RAPGEFL1: variants seen among roughly 807,000 people sequenced by gnomAD.
RAPGEFL1 encodes rap guanine nucleotide exchange factor-like 1.
In RAPGEFL1, 31 loss-of-function variants were observed where a neutral mutation model predicts 64.4. The ratio of observed to expected loss-of-function variants is 0.48; its 90% CI spans 0.36 to 0.65. The LOEUF is 0.65. Ranked by LOEUF, RAPGEFL1 falls within the 30% of genes least tolerant of loss-of-function variation. The pLI, the probability that RAPGEFL1 is intolerant of heterozygous loss-of-function variation, is 0.00. For synonymous variants in RAPGEFL1, 331 were observed against 274.1 expected (o/e 1.21, Z -2.05); for missense variants, 682 against 677.4 (o/e 1.01, Z -0.08).
At chr17:40,192,373 A>G in intron 11 of RAPGEFL1, 110 bp downstream of exon 11, 2 of 1,230,244 alleles carry the variant, frequency 1.6e-6, no homozygotes, top group Non-Finnish European at 2.4e-6. Context: ...AGTGTATGGG[A>G]CCCCCCACCC....
At chr17:40,179,570 A>AATGATGATACT (rs1989832881) in intron 1 of RAPGEFL1, among the ~76,000 whole-genome samples, 1 of 151,942 alleles carries the variant, frequency 6.6e-6, no homozygotes, top group South Asian at 2.1e-4. Context: ...TTATTCCCTA[A>AATGATGATACT]ATGATGATAC....
chr17:40,185,459 C>G (rs1037280666), intron 4 of RAPGEFL1, among the ~76,000 whole-genome samples: 4 of 145,672 alleles, frequency 2.7e-5, no homozygotes, highest in African/African-American at 1.0e-4. Context: ...ATGGGTGGAG[C>G]ACTTAAGGTC....
intron 4 of RAPGEFL1, among the ~76,000 whole-genome samples, chr17:40,185,157 C>G (rs909791071): frequency 2.0e-5 from 3 of 152,132 alleles, no homozygotes; most frequent in Admixed American, 1.3e-4. Context: ...TTTGTCCATT[C>G]TCCCATTCAT....
chr17:40,179,002 G>A (rs1010830712), intron 1 of RAPGEFL1, among the ~76,000 whole-genome samples: 2 of 152,140 alleles, frequency 1.3e-5, no homozygotes, highest in Admixed American at 1.3e-4. Flanking sequence ...TCATGGCCCT[G>A]CAGCATCCAG....
At position 40,189,334 on chromosome 17, in the gene RAPGEFL1, G is replaced by C. The variant is rs145549366; in HGVS notation, c.1073G>C (p.Arg358Pro). Residue 358 changes from arginine (R) to proline (P), a missense_variant, in exon 6 of 15, where the codon CGT becomes CCT. Arg to Pro is a moderately radical substitution (Grantham distance 103, BLOSUM62 -2). Transcript: ENST00000620260. ...CAATATTCAGAGGAGCCCGCGGGGC[G>C]TGAGGATTCCCTCATCCTGGTAGCT... ...KLQYSEEPAG[R>P]EDSLILVAVS... The C allele has an allele frequency of 1.2e-6, 2 of 1,614,190 alleles. No homozygotes were observed. The highest frequency in any genetic ancestry group is 2.2e-5 in the East Asian group (1 of 44,892).
intron 4 of RAPGEFL1, among the ~76,000 whole-genome samples, chr17:40,187,408 C>T (rs1345179477): frequency 6.6e-6 from 1 of 152,146 alleles, no homozygotes; most frequent in Non-Finnish European, 1.5e-5. Flanking sequence ...CTTTCATGCT[C>T]CTGTTCCAAA....
Position 40,191,941 on chromosome 17 carries a change from TG to T in RAPGEFL1, c.1605+270del, listed in dbSNP as rs1195005403. The stretch of plus-strand genomic sequence containing the variant: ...GCAGACTTGGCTGTGGGAGTTGGGC[TG>T]ATTTTCATCCACACTCAGTGGGGGC... On this transcript the variant is annotated intron_variant, in intron 10 of 14. Coordinates refer to ENST00000620260, the MANE Select transcript of RAPGEFL1 (RefSeq NM_016339.6). This position sits in a 1 kb window ranked among gnomAD's most constrained non-coding sequence, Gnocchi z 5.1. Among the ~76,000 whole-genome samples the T allele has an allele frequency of 3.9e-5, 6 of 152,226 alleles. No individual in the cohort carries two copies. Among genetic ancestry groups the T allele is most frequent in the Non-Finnish European group, 5.9e-5 (4 of 68,040 alleles).
Position 40,178,258 on chromosome 17 carries a change from C to G in RAPGEFL1, c.397C>G (p.Pro133Ala), listed in dbSNP as rs1460609414. ...CTCCTACTCATCTGACGAGCTGTCC[C>G]CAGGCGAGCCCTTGACTTCGCCGCC... ...PSSYSSDELS[P>A]GEPLTSPPWA... The change falls in exon 1 of 15, where the codon CCA (proline) becomes GCA (alanine). Residue 133 changes from proline to alanine, a missense_variant. Physicochemically the swap from Pro to Ala is conservative, Grantham distance 27. This residue lies in a region of RAPGEFL1 where 271 missense variants were observed against 158.0 expected (regional missense o/e 1.72). Transcript: ENST00000620260. 3.1e-6 allele frequency: 2 copies of G among 649,144 alleles called. No individual in the cohort carries two copies. Among genetic ancestry groups the G allele is most frequent in the African/African-American group, 1.9e-5 (1 of 53,548 alleles). The allele number at this position is 649,144 out of a possible 1,614,324, so 40.2% of individuals were successfully genotyped here. A position where few individuals can be genotyped will look rare whatever the true frequency, so the allele number is the denominator to read the frequency against.
At chr17:40,192,398 G>T (rs2145226110) in intron 11 of RAPGEFL1, 135 bp downstream of exon 11, 7 of 1,125,194 alleles carry the variant, frequency 6.2e-6, no homozygotes, top group Non-Finnish European at 9.3e-6. Flanking sequence ...TACCATGCTG[G>T]AGGGTGAGGT....
In RAPGEFL1 at chr17:40,194,244, T is replaced by TGTGTGTGTGC. The variant is rs1990384449; in HGVS notation, c.*465_*466insCGTGTGTGTG. On this transcript the variant is annotated 3_prime_UTR_variant, in exon 15 of 15. Coordinates refer to ENST00000620260, the MANE Select transcript of RAPGEFL1 (RefSeq NM_016339.6). ...AATATTATGTTGCCGTGTGTGTGTG[T>TGTGTGTGTGC]GTGTGTGTGTGTGTGTGTGTGTGTG... 3.3e-5 allele frequency: 3 copies of TGTGTGTGTGC among 91,624 alleles called. No homozygotes were observed. In the South Asian group the frequency reaches 8.0e-4, roughly 25 times the overall value. The allele number at this position is 91,624 out of a possible 1,614,324, so 5.7% of individuals were successfully genotyped here.
Position 40,191,569 on chromosome 17 carries a change from C to G in RAPGEFL1, c.1515-13C>G. 6.3e-7 allele frequency: 1 copy of G among 1,595,464 alleles called. No homozygotes were observed. The highest frequency in any genetic ancestry group is 1.3e-5 in the African/African-American group (1 of 74,756). The stretch of plus-strand genomic sequence containing the variant: ...CCGCCGCCCGCCCCTGACCCCGCCT[C>G]CCACCCCCGCAGCTGCAAGCAGAAC... On this transcript the variant is annotated splice_polypyrimidine_tract_variant and intron_variant, in intron 9 of 14. Coordinates refer to ENST00000620260, the MANE Select transcript of RAPGEFL1 (RefSeq NM_016339.6). The surrounding 1 kb of genome is among the most constrained non-coding windows in gnomAD (Gnocchi z 5.1).
chr17:40,194,232 CG>C lies in RAPGEFL1; in HGVS notation c.*445del, dbSNP rs1427816094. 2 of 125,006 alleles carry C rather than the reference CG, an allele frequency of 1.6e-5. No homozygotes were observed. Among genetic ancestry groups the C allele is most frequent in the Non-Finnish European group, 3.1e-5 (2 of 64,124 alleles). 7.7% of individuals were successfully genotyped at this position (125,006 alleles called of 1,614,324 possible). A position where few individuals can be genotyped will look rare whatever the true frequency, so the allele number is the denominator to read the frequency against. The stretch of plus-strand genomic sequence containing the variant: ...GGGACCCCCAGGAATATTATGTTGC[CG>C]TGTGTGTGTGTGTGTGTGTGTGTGT... On this transcript the variant is annotated 3_prime_UTR_variant, in exon 15 of 15. Transcript: ENST00000620260.
In RAPGEFL1 at chr17:40,184,202, C is replaced by T. The variant is rs770589820; in HGVS notation, c.600-12C>T. 6.3e-7 allele frequency: 1 copy of T among 1,590,796 alleles called. No individual in the cohort carries two copies. The highest frequency in any genetic ancestry group is 1.1e-5 in the South Asian group (1 of 90,626). ...CTGCTTGCGTAGGGATTTTTCTTAACTTAAGGGTCAGCTTTGTTCGGGCAG... is the reference window on the plus strand; with the variant it reads ...CTGCTTGCGTAGGGATTTTTCTTAATTTAAGGGTCAGCTTTGTTCGGGCAG... On this transcript the variant is annotated splice_polypyrimidine_tract_variant and intron_variant, in intron 2 of 14. Coordinates refer to ENST00000620260, the MANE Select transcript of RAPGEFL1 (RefSeq NM_016339.6).
chr17:40,186,574 CAAAAAAAAAAAAAA>C lies in RAPGEFL1; in HGVS notation c.833+1918_833+1931del, dbSNP rs146110920. On this transcript the variant is annotated intron_variant, in intron 4 of 14. Coordinates refer to ENST00000620260, the MANE Select transcript of RAPGEFL1 (RefSeq NM_016339.6). ...TGGGCGACAGAGCGAGACTCCGTCTCAAAAAAAAAAAAAAAAAAAAAAAAAAAAAAAAAAAGAGG... is the reference window on the plus strand; with the variant it reads ...TGGGCGACAGAGCGAGACTCCGTCTCAAAAAAAAAAAAAAAAAAAAAGAGG... 4.4e-3 allele frequency among the ~76,000 whole-genome samples: 115 copies of C among 26,268 alleles called. 1 individual carries two copies. Among genetic ancestry groups the C allele is most frequent in the South Asian group, 4.1e-3 (1 of 246 alleles). The allele number at this position is 26,268 out of a possible 152,430, so 17.2% of individuals were successfully genotyped here.
Position 40,177,766 on chromosome 17 carries a change from C to T in RAPGEFL1, c.-96C>T. On this transcript the variant is annotated 5_prime_UTR_variant, in exon 1 of 15. Coordinates refer to ENST00000620260, the MANE Select transcript of RAPGEFL1 (RefSeq NM_016339.6). ...CCTGGCACGGCCCTCTACTCTGCTC[C>T]TCCAGCTCTGAGCATCGTGTCTTCG... 2.4e-6 allele frequency: 1 copy of T among 412,070 alleles called. No homozygotes were observed. The highest frequency in any genetic ancestry group is 3.6e-5 in the East Asian group (1 of 28,064). The allele number at this position is 412,070 out of a possible 1,614,324, so 25.5% of individuals were successfully genotyped here. A position where few individuals can be genotyped will look rare whatever the true frequency, so the allele number is the denominator to read the frequency against.
At chr17:40,186,562 G>A (rs1377723869) in intron 4 of RAPGEFL1, among the ~76,000 whole-genome samples, 169 of 109,908 alleles carry the variant, frequency 1.5e-3, no homozygotes, top group African/African-American at 5.3e-3. Context: ...GCGACAGAGC[G>A]AGACTCCGTC....
Position 40,194,091 on chromosome 17 carries a change from T to C in RAPGEFL1, c.*303T>C, listed in dbSNP as rs1367429123. ...CTGTTCTGGGGATGGAGCTTCCAAC[T>C]TCCTCTTGCAGCAGGAAAGAATGCT... is the stretch of plus-strand genomic sequence containing the variant. On this transcript the variant is annotated 3_prime_UTR_variant, in exon 15 of 15. Transcript: ENST00000620260. The C allele has an allele frequency of 3.6e-6, 1 of 278,348 alleles. No homozygotes were observed. Among genetic ancestry groups the C allele is most frequent in the African/African-American group, 2.2e-5 (1 of 45,916 alleles). The allele number at this position is 278,348 out of a possible 1,614,324, so 17.2% of individuals were successfully genotyped here.
chr17:40,188,151 G>A (rs1281922316), intron 4 of RAPGEFL1, among the ~76,000 whole-genome samples: 1 of 152,010 alleles, frequency 6.6e-6, no homozygotes, highest in Non-Finnish European at 1.5e-5. Context: ...CTGGCCTCAA[G>A]TGATCTGCCC....
At chr17:40,181,394 T>A in intron 1 of RAPGEFL1, 3 of 580,744 alleles carry the variant, frequency 5.2e-6, no homozygotes, top group Middle Eastern at 2.7e-4. Context: ...CCCCCTTCCC[T>A]TCAGCTGCCT....
Sources: allele counts gnomAD v4.1 joint callset (sites outside exome capture counted in the v4.1 genomes callset), GRCh38; gene constraint gnomAD v4.1.1; regional missense constraint gnomAD v4.1.1; non-coding constraint Gnocchi (gnomAD v3.1); transcripts MANE v1.5; gene names NCBI Gene and HGNC (gene_info 2026-07-23, HGNC 2026-07-21).